Variants in SGMS1 observed in about 807,000 individuals in gnomAD.
The protein encoded by SGMS1 is phosphatidylcholine:ceramide cholinephosphotransferase 1.
Under a neutral mutation model 46.2 loss-of-function variants are expected in SGMS1, and 13 were observed. The ratio of observed to expected loss-of-function variants is 0.28; its 90% CI spans 0.18 to 0.45. The LOEUF is 0.45. SGMS1 is among the 20% of genes least tolerant of loss of function. SGMS1 has a pLI of 1.00. For synonymous variants in SGMS1, 203 were observed against 187.8 expected (o/e 1.08, Z -0.66); for missense variants, 324 against 519.9 (o/e 0.62, Z 3.66).
intron 2 of SGMS1, among the ~76,000 whole-genome samples, chr10:50,582,963 G>A (rs144939347): frequency 1.1e-4 from 16 of 152,328 alleles, no homozygotes; most frequent in African/African-American, 3.4e-4. Context: ...GAGGACACTT[G>A]CTCCCCTGCC....
chr10:50,568,476 A>G (rs1178818814), intron 2 of SGMS1, among the ~76,000 whole-genome samples: 1 of 152,194 alleles, frequency 6.6e-6, no homozygotes, highest in African/African-American at 2.4e-5. Context: ...CCATCCCTTC[A>G]GAATTCCCAT....
At chr10:50,572,006 G>A (rs1203763744) in intron 2 of SGMS1, among the ~76,000 whole-genome samples, 3 of 152,170 alleles carry the variant, frequency 2.0e-5, no homozygotes, top group Admixed American at 6.5e-5. Flanking sequence ...AGGAAAATGA[G>A]AGAGAATCTA....
intron 6 of SGMS1, among the ~76,000 whole-genome samples, chr10:50,407,560 T>C (rs887897596): frequency 2.0e-5 from 3 of 152,112 alleles, no homozygotes; most frequent in Admixed American, 6.5e-5. Context: ...CCCTTCAACC[T>C]GGGGTTGGTA....
At chr10:50,372,799 T>C (rs905530212) in intron 6 of SGMS1, among the ~76,000 whole-genome samples, 1 of 152,082 alleles carries the variant, frequency 6.6e-6, no homozygotes, top group African/African-American at 2.4e-5. Flanking sequence ...GGAGAAAAAA[T>C]CAGTGAGCCC....
chr10:50,564,690 G>A (rs1394993138), intron 2 of SGMS1, among the ~76,000 whole-genome samples: 1 of 152,174 alleles, frequency 6.6e-6, no homozygotes, highest in Non-Finnish European at 1.5e-5. Flanking sequence ...ATAAAATAAT[G>A]TTCTACTCAT....
chr10:50,487,027 G>A (rs998986106), intron 3 of SGMS1, among the ~76,000 whole-genome samples: 5 of 152,150 alleles, frequency 3.3e-5, no homozygotes, highest in African/African-American at 1.2e-4. Flanking sequence ...TGGAGTTGGA[G>A]GCCATTATCC....
At chr10:50,601,101 A>C (rs966013263) in intron 1 of SGMS1, among the ~76,000 whole-genome samples, 3 of 152,210 alleles carry the variant, frequency 2.0e-5, no homozygotes, top group Non-Finnish European at 2.9e-5. Context: ...GATGAAATGA[A>C]GAAGGGCAGA....
intron 2 of SGMS1, among the ~76,000 whole-genome samples, chr10:50,534,698 T>C (rs1040961909): frequency 7.9e-5 from 12 of 152,260 alleles, no homozygotes; most frequent in Admixed American, 7.8e-4. Context: ...TTAAAAATTA[T>C]ATTCATGCAG....
chr10:50,496,127 C>T (rs577900845), intron 3 of SGMS1, among the ~76,000 whole-genome samples: 3 of 152,270 alleles, frequency 2.0e-5, no homozygotes, highest in East Asian at 3.9e-4. Context: ...CTCTGCAAAA[C>T]CACCAACCAC....
chr10:50,326,985 A>T (rs191397087), intron 8 of SGMS1, among the ~76,000 whole-genome samples: 147 of 149,832 alleles, frequency 9.8e-4, no homozygotes, highest in African/African-American at 3.4e-3. Context: ...ACAAAGCTTA[A>T]CTGCTTCCAA....
chr10:50,428,281 A>G (rs1489117225), intron 6 of SGMS1, among the ~76,000 whole-genome samples: 1 of 152,142 alleles, frequency 6.6e-6, no homozygotes, highest in Non-Finnish European at 1.5e-5. Flanking sequence ...CAAAGAAAAG[A>G]GAAAGATGGC....
intron 1 of SGMS1, among the ~76,000 whole-genome samples, chr10:50,621,559 T>C (rs1238239413): frequency 1.3e-5 from 2 of 152,242 alleles, no homozygotes; most frequent in African/African-American, 4.8e-5. Flanking sequence ...GAGGCATGTA[T>C]TGAATACAAG....
intron 1 of SGMS1, among the ~76,000 whole-genome samples, chr10:50,593,614 A>C (rs77353599): frequency 0.011 from 1,658 of 152,130 alleles, 29 homozygotes; most frequent in African/African-American, 0.039. Flanking sequence ...ATTTTGAGTC[A>C]ATCATTCCTT....
intron 5 of SGMS1, among the ~76,000 whole-genome samples, chr10:50,451,154 A>G (rs373346819): frequency 2.6e-5 from 4 of 152,292 alleles, no homozygotes; most frequent in South Asian, 4.1e-4. Flanking sequence ...CATTTTAAAA[A>G]ATTAAAACTT....
intron 6 of SGMS1, among the ~76,000 whole-genome samples, chr10:50,408,847 C>G (rs1257151469): frequency 6.6e-6 from 1 of 152,116 alleles, no homozygotes; most frequent in African/African-American, 2.4e-5. Context: ...CGCACTCCAG[C>G]ATGGCTGACA....
At chr10:50,505,746 G>T (rs1255960990) in intron 3 of SGMS1, among the ~76,000 whole-genome samples, 1 of 152,176 alleles carries the variant, frequency 6.6e-6, no homozygotes, top group Non-Finnish European at 1.5e-5. Context: ...CTGAGCCCAA[G>T]GGTGCAGGGA....
chr10:50,537,740 A>T (rs184509498), intron 2 of SGMS1, among the ~76,000 whole-genome samples: 3 of 151,992 alleles, frequency 2.0e-5, no homozygotes, highest in African/African-American at 7.2e-5. Flanking sequence ...GCCTGAGTGG[A>T]ACAGTAGCTG....
intron 2 of SGMS1, among the ~76,000 whole-genome samples, chr10:50,551,743 A>AT (rs1838150475): frequency 6.6e-6 from 1 of 152,078 alleles, no homozygotes; most frequent in South Asian, 2.1e-4. Flanking sequence ...ACCCAGGCTT[A>AT]TAGTAGATTC....
intron 2 of SGMS1, among the ~76,000 whole-genome samples, chr10:50,580,974 C>T (rs1838428032): frequency 6.6e-6 from 1 of 152,192 alleles, no homozygotes; most frequent in Admixed American, 6.5e-5. Context: ...CTTGTTAAAA[C>T]ACTGATCACC....
Sources: gnomAD v4.1 joint callset for allele counts (sites outside exome capture counted in the v4.1 genomes callset) on GRCh38, gnomAD v4.1.1 for gene constraint, MANE v1.5 for transcripts, NCBI Gene and HGNC (gene_info 2026-07-23, HGNC 2026-07-21) for gene names.